SLIT3: variants seen among roughly 807,000 people sequenced by gnomAD.
The protein encoded by SLIT3 is slit guidance ligand 3.
SLIT3 carries 68 observed loss-of-function variants against 184.0 expected under a neutral mutation model. The observed-to-expected ratio is 0.37, with a 90% CI of 0.30 to 0.45. The LOEUF is 0.45. Among genes scored for constraint, SLIT3 ranks in the 20% least tolerant of loss-of-function variants. The probability of loss-of-function intolerance (pLI) is 1.00; values close to 1 mark genes in which losing one functional copy is unlikely to be tolerated. For missense variants in SLIT3, 1,707 were observed against 2,026.0 expected, an observed-to-expected ratio of 0.84 and a Z score of 3.02; for synonymous variants, 831 against 828.6, an observed-to-expected ratio of 1.00 and a Z score of -0.05.
chr5:169,063,711 G>A (rs894271240), intron 4 of SLIT3, among the ~76,000 whole-genome samples: 1 of 152,218 alleles, frequency 6.6e-6, no homozygotes, highest in Non-Finnish European at 1.5e-5. Flanking sequence ...AAATGCAAAG[G>A]GAATTTAAAT....
chr5:169,061,560 G>A (rs761584246), intron 4 of SLIT3, among the ~76,000 whole-genome samples: 12 of 152,204 alleles, frequency 7.9e-5, no homozygotes, highest in Non-Finnish European at 1.8e-4. Context: ...ACACATCTGC[G>A]TGGCACCTAA....
Position 168,883,345 on chromosome 5 carries a change from GA to G in SLIT3, c.414-10del. On this transcript the variant is annotated splice_polypyrimidine_tract_variant and intron_variant, in intron 4 of 35. Transcript: ENST00000519560. ...GGTTTTCACTCAAATCTCTAAACAA[GA>G]AGAGAAGAGGCACACTGCATTAAAG... The G allele has an allele frequency of 6.2e-7, 1 of 1,609,414 alleles. No individual in the cohort carries two copies.
intron 1 of SLIT3, among the ~76,000 whole-genome samples, chr5:169,277,109 T>C (rs938677107): frequency 2.6e-5 from 4 of 152,248 alleles, no homozygotes; most frequent in African/African-American, 9.6e-5. Context: ...ATCTACTTTA[T>C]GTCTTTATAA....
chr5:168,944,022 G>A (rs185288720), intron 4 of SLIT3, among the ~76,000 whole-genome samples: 3 of 152,194 alleles, frequency 2.0e-5, no homozygotes, highest in Non-Finnish European at 2.9e-5. Flanking sequence ...GCCCAGCAGC[G>A]CACATTCTGA....
chr5:168,879,675 T>C (rs1282483410), intron 5 of SLIT3, among the ~76,000 whole-genome samples: 1 of 152,194 alleles, frequency 6.6e-6, no homozygotes, highest in Non-Finnish European at 1.5e-5. Context: ...GCAAAGTCCT[T>C]CAACCAGCAG....
intron 4 of SLIT3, among the ~76,000 whole-genome samples, chr5:169,128,953 T>C (rs950269421): frequency 3.9e-5 from 6 of 152,034 alleles, no homozygotes; most frequent in African/African-American, 9.7e-5. Context: ...TTTTGAAAGA[T>C]ACATATACTC....
intron 4 of SLIT3, among the ~76,000 whole-genome samples, chr5:169,185,677 A>G (rs1288685589): frequency 7.9e-5 from 12 of 152,208 alleles, no homozygotes; most frequent in Non-Finnish European, 1.2e-4. Flanking sequence ...AGGTGACTGC[A>G]AAGGGCTCTG....
chr5:168,994,668 C>A (rs1755451473), intron 4 of SLIT3, among the ~76,000 whole-genome samples: 4 of 41,692 alleles, frequency 9.6e-5, no homozygotes, highest in East Asian at 8.8e-4. Context: ...TTTTTTGAGA[C>A]TGAGTCTTGC....
At chr5:169,261,684 T>C (rs1451073883) in intron 1 of SLIT3, among the ~76,000 whole-genome samples, 1 of 152,202 alleles carries the variant, frequency 6.6e-6, no homozygotes, top group Non-Finnish European at 1.5e-5. Context: ...TAAGGAACTT[T>C]TATTTCTTTG....
intron 4 of SLIT3, among the ~76,000 whole-genome samples, chr5:168,916,605 T>C (rs935549355): frequency 2.0e-5 from 3 of 152,252 alleles, no homozygotes; most frequent in African/African-American, 7.2e-5. Flanking sequence ...CCCAGGCTCC[T>C]TGCCCAGAGG....
chr5:168,907,979 T>TATATATAG (rs376418381), intron 4 of SLIT3, among the ~76,000 whole-genome samples: 4 of 50,086 alleles, frequency 8.0e-5, no homozygotes, highest in East Asian at 4.9e-4. Context: ...TATATATATA[T>TATATATAG]AGAGAGAGAG....
chr5:169,083,248 G>A (rs539941358), intron 4 of SLIT3, among the ~76,000 whole-genome samples: 1 of 152,156 alleles, frequency 6.6e-6, no homozygotes, highest in Non-Finnish European at 1.5e-5. Context: ...CTGGATACAT[G>A]TGCGAATATA....
At chr5:168,683,790 T>C (rs1336150887) in intron 32 of SLIT3, among the ~76,000 whole-genome samples, 176 bp downstream of exon 32, 1 of 152,056 alleles carries the variant, frequency 6.6e-6, no homozygotes, top group Non-Finnish European at 1.5e-5. Flanking sequence ...GACACGCCTT[T>C]CTCCCTCCCA....
chr5:168,772,841 GGCTGCTGCA>G lies in SLIT3; in HGVS notation c.1390_1398del (p.Cys464_Ser466del). 1 of 1,614,154 alleles carries G rather than the reference GGCTGCTGCA, an allele frequency of 6.2e-7. No individual in the cohort carries two copies. The highest frequency in any genetic ancestry group is 8.5e-7 in the Non-Finnish European group (1 of 1,180,032). ...ATGCGCTTGTTGGCGAGTCGGCGCG[GGCTGCTGCA>G]GCGGGCCCCGCTTGTCTCGATGGGG... On this transcript the variant is annotated inframe_deletion, in exon 14 of 36. Transcript: ENST00000519560.
At chr5:169,280,916 A>T (rs1766972881) in intron 1 of SLIT3, among the ~76,000 whole-genome samples, 1 of 152,300 alleles carries the variant, frequency 6.6e-6, no homozygotes, top group South Asian at 2.1e-4. Context: ...CCACAAATAC[A>T]ATAGCCAAGA....
At chr5:168,759,226 C>T (rs1378933039) in intron 16 of SLIT3, among the ~76,000 whole-genome samples, 1 of 152,150 alleles carries the variant, frequency 6.6e-6, no homozygotes, top group African/African-American at 2.4e-5. Flanking sequence ...TTAGTGAATA[C>T]CAAAGCATTG....
chr5:168,857,843 TTAAAAGCCCTCAACG>T (rs1758950925), intron 5 of SLIT3, among the ~76,000 whole-genome samples: 1 of 152,212 alleles, frequency 6.6e-6, no homozygotes, highest in African/African-American at 2.4e-5. Context: ...ACCACCGAGC[TTAAAAGCCCTCAACG>T]GTGTGCCTAT....
At chr5:168,723,608 CCTT>C (rs1581006727) in intron 21 of SLIT3, among the ~76,000 whole-genome samples, 1 of 152,280 alleles carries the variant, frequency 6.6e-6, no homozygotes, top group East Asian at 1.9e-4. Flanking sequence ...CCTCTATCCC[CCTT>C]CTTTTCTGGC....
intron 4 of SLIT3, among the ~76,000 whole-genome samples, chr5:169,069,848 A>C (rs1758481338): frequency 6.6e-6 from 1 of 152,142 alleles, no homozygotes; most frequent in Non-Finnish European, 1.5e-5. Context: ...ACCAGACCAG[A>C]CCACAGAGGA....
Sources: allele counts gnomAD v4.1 joint callset (sites outside exome capture counted in the v4.1 genomes callset), GRCh38; gene constraint gnomAD v4.1.1; transcripts MANE v1.5; gene names NCBI Gene and HGNC (gene_info 2026-07-23, HGNC 2026-07-21).